Variants in EPB41L4A observed in about 807,000 individuals in gnomAD.
The protein encoded by EPB41L4A is band 4.1-like protein 4A.
A neutral mutation model predicts 108.6 loss-of-function variants in EPB41L4A; 100 were observed. The ratio of observed to expected loss-of-function variants is 0.92; its 90% CI spans 0.78 to 1.09. The LOEUF is 1.09. Among genes scored for constraint, EPB41L4A ranks in the 50% least tolerant of loss-of-function variants. The probability of loss-of-function intolerance (pLI) is 0.00; values close to 1 mark genes in which losing one functional copy is unlikely to be tolerated. For missense variants in EPB41L4A, 1,030 were observed against 842.7 expected (o/e 1.22, Z -2.75); for synonymous variants, 319 against 289.0 (o/e 1.10, Z -1.05).
intron 3 of EPB41L4A, among the ~76,000 whole-genome samples, chr5:112,277,572 A>C (rs1480297749): frequency 1.3e-5 from 2 of 152,102 alleles, no homozygotes; most frequent in African/African-American, 2.4e-5. Flanking sequence ...GGCACATTAA[A>C]CTCCAAGGAG....
chr5:112,253,919 G>A (rs1183817296), intron 9 of EPB41L4A, among the ~76,000 whole-genome samples: 1 of 152,142 alleles, frequency 6.6e-6, no homozygotes, highest in South Asian at 2.1e-4. Context: ...ACGTAAGTGA[G>A]ACCTCTTGCG....
chr5:112,393,298 A>G (rs1045897579), intron 1 of EPB41L4A, among the ~76,000 whole-genome samples: 10 of 152,224 alleles, frequency 6.6e-5, no homozygotes, highest in African/African-American at 2.4e-4. Flanking sequence ...TAATGAATCC[A>G]GGAGCTGGTT....
At chr5:112,150,101 A>G (rs1759409556) in intron 12 of EPB41L4A, among the ~76,000 whole-genome samples, 1 of 152,206 alleles carries the variant, frequency 6.6e-6, no homozygotes. Flanking sequence ...GAAAATGACT[A>G]ACACCAGCCC....
chr5:112,364,135 T>C (rs918501760), intron 1 of EPB41L4A, among the ~76,000 whole-genome samples: 1 of 152,182 alleles, frequency 6.6e-6, no homozygotes, highest in Non-Finnish European at 1.5e-5. Flanking sequence ...TAAGCAATTC[T>C]TCAGCCTCAG....
intron 17 of EPB41L4A, chr5:112,191,910 G>C (rs937315915): frequency 6.6e-6 from 1 of 152,196 alleles, no homozygotes. Context: ...TTCTTGGAAA[G>C]TAACGAAGCA....
intron 17 of EPB41L4A, among the ~76,000 whole-genome samples, chr5:112,185,322 G>A (rs1381731743): frequency 1.3e-5 from 2 of 152,208 alleles, no homozygotes; most frequent in Non-Finnish European, 2.9e-5. Flanking sequence ...CTGAACAGAT[G>A]TCTTTTGGTT....
chr5:112,301,478 G>A (rs1363145012), intron 2 of EPB41L4A, among the ~76,000 whole-genome samples: 1 of 152,164 alleles, frequency 6.6e-6, no homozygotes, highest in African/African-American at 2.4e-5. Context: ...GGGGTTGTCT[G>A]CACAGAGTCC....
intron 1 of EPB41L4A, among the ~76,000 whole-genome samples, chr5:112,325,266 C>A (rs945220905): frequency 3.3e-5 from 5 of 152,064 alleles, no homozygotes; most frequent in Admixed American, 1.3e-4. Context: ...ATGGTGAAAC[C>A]CTGTCTCTAC....
chr5:112,319,921 G>A lies in EPB41L4A; in HGVS notation c.100-12431C>T, dbSNP rs572586718. On this transcript the variant is annotated intron_variant, in intron 1 of 22. Coordinates refer to ENST00000261486, the MANE Select transcript of EPB41L4A (RefSeq NM_022140.5). ...AAAGCATTTAGGGGTAACCAGTCTC[G>A]TGTTTTCAATTTACTCACAAGTAGT... Among the ~76,000 whole-genome samples, 42 of 152,162 alleles carry A rather than the reference G, an allele frequency of 2.8e-4. No homozygotes were observed. In the East Asian group the frequency reaches 7.2e-3, roughly 26 times the overall value.
intron 12 of EPB41L4A, among the ~76,000 whole-genome samples, chr5:112,230,357 A>G (rs1748800996): frequency 6.6e-6 from 1 of 152,146 alleles, no homozygotes; most frequent in Non-Finnish European, 1.5e-5. Context: ...GCAGTGTAAA[A>G]GTGTTACTTT....
At chr5:112,217,291 G>A (rs1747719861) in intron 12 of EPB41L4A, among the ~76,000 whole-genome samples, 1 of 152,100 alleles carries the variant, frequency 6.6e-6, no homozygotes, top group Admixed American at 6.6e-5. Flanking sequence ...ATTCTATAAA[G>A]CAAAAATAAA....
At chr5:112,396,056 A>G (rs902782939) in intron 1 of EPB41L4A, among the ~76,000 whole-genome samples, 2 of 152,014 alleles carry the variant, frequency 1.3e-5, no homozygotes, top group Non-Finnish European at 2.9e-5. Flanking sequence ...CAATGAGAAC[A>G]CTTGGACACA....
At chr5:112,183,938 A>T in intron 18 of EPB41L4A, 78 bp downstream of exon 18, 2 of 1,548,006 alleles carry the variant, frequency 1.3e-6, no homozygotes, top group Non-Finnish European at 1.8e-6. Flanking sequence ...GAACTAAAAC[A>T]CTTTAGAAGA....
intron 11 of EPB41L4A, among the ~76,000 whole-genome samples, chr5:112,239,269 A>G (rs1749597092): frequency 6.6e-6 from 1 of 152,256 alleles, no homozygotes; most frequent in African/African-American, 2.4e-5. Flanking sequence ...TTGATGCACA[A>G]TATAAAAAGT....
At chr5:112,236,626 A>C (rs1749354584) in intron 11 of EPB41L4A, among the ~76,000 whole-genome samples, 1 of 152,184 alleles carries the variant, frequency 6.6e-6, no homozygotes, top group Non-Finnish European at 1.5e-5. Context: ...TTACGACAGG[A>C]CACAGTTTTA....
intron 1 of EPB41L4A, among the ~76,000 whole-genome samples, chr5:112,318,810 T>C (rs1333469067): frequency 2.0e-5 from 3 of 152,160 alleles, no homozygotes; most frequent in African/African-American, 7.2e-5. Flanking sequence ...TACCAAACAT[T>C]AGTAATTCCT....
At chr5:112,322,256 C>A (rs1755830752) in intron 1 of EPB41L4A, among the ~76,000 whole-genome samples, 1 of 152,264 alleles carries the variant, frequency 6.6e-6, no homozygotes, top group East Asian at 1.9e-4. Flanking sequence ...ATTTTAGAGA[C>A]AAGATCATTG....
At chr5:112,413,288 C>G (rs775759891) in intron 1 of EPB41L4A, among the ~76,000 whole-genome samples, 1 of 152,212 alleles carries the variant, frequency 6.6e-6, no homozygotes, top group African/African-American at 2.4e-5. Context: ...ATTCAGTCCA[C>G]TGCACCGTCT....
At chr5:112,331,736 A>C (rs1344765287) in intron 1 of EPB41L4A, among the ~76,000 whole-genome samples, 1 of 152,190 alleles carries the variant, frequency 6.6e-6, no homozygotes, top group Non-Finnish European at 1.5e-5. Flanking sequence ...TGGAGTTGGG[A>C]GGCAAGGGCC....
Sources: gnomAD v4.1 joint callset for allele counts (sites outside exome capture counted in the v4.1 genomes callset) on GRCh38, gnomAD v4.1.1 for gene constraint, MANE v1.5 for transcripts, NCBI Gene and HGNC (gene_info 2026-07-23, HGNC 2026-07-21) for gene names.